The following FAM131A variants were observed in gnomAD, a reference collection of about 807,000 sequenced individuals.
FAM131A encodes the protein family with sequence similarity 131 member A.
Under a neutral mutation model 39.2 loss-of-function variants are expected in FAM131A, and 24 were observed. The observed-to-expected ratio is 0.61, with a 90% CI of 0.44 to 0.86. The LOEUF is 0.86. Among genes scored for constraint, FAM131A ranks in the 40% least tolerant of loss-of-function variants. The pLI is 0.00. For missense variants in FAM131A, 373 were observed against 481.2 expected (o/e 0.78, Z 2.10); for synonymous variants, 202 against 206.8 (o/e 0.98, Z 0.20).
upstream of FAM131A, chr3:184,337,453 C>T: frequency 1.6e-6 from 1 of 616,930 alleles, no homozygotes; most frequent in Non-Finnish European, 2.9e-6. Flanking sequence ...CTTGGCTGAG[C>T]CCTGGTGTTC....
In FAM131A at chr3:184,337,629, G is replaced by A. The variant is rs2108540321; in HGVS notation, c.-2G>A. 2 of 1,537,224 alleles carry A rather than the reference G, an allele frequency of 1.3e-6. No homozygotes were observed. The highest frequency in any genetic ancestry group is 2.4e-5 in the South Asian group (2 of 84,056). On this transcript the variant is annotated 5_prime_UTR_variant, in exon 1 of 6. Transcript: ENST00000383847. ...TTGGTTCTCTGCATCAACACAGCCA[G>A]CATGCCTATGATTTCTGTGCTGGGC...
Position 184,345,557 on chromosome 3 carries a change from T to C in FAM131A, c.*587T>C. 7 of 703,272 alleles carry C rather than the reference T, an allele frequency of 1.0e-5. 1 individual carries two copies. In the South Asian group the frequency reaches 1.0e-4, roughly 10 times the overall value. 43.6% of individuals were successfully genotyped at this position (703,272 alleles called of 1,614,324 possible). A position where few individuals can be genotyped will look rare whatever the true frequency, so the allele number is the denominator to read the frequency against. On this transcript the variant is annotated 3_prime_UTR_variant, in exon 6 of 6. Coordinates refer to ENST00000383847, the MANE Select transcript of FAM131A (RefSeq NM_144635.5). ...CTCCATCGTCTCTAAATCTTCCTCTTTTTTCCTAAAGACAGAAGGTTTTTG... is the reference window on the plus strand; with the variant it reads ...CTCCATCGTCTCTAAATCTTCCTCTCTTTTCCTAAAGACAGAAGGTTTTTG...
chr3:184,344,698 G>A lies in FAM131A; in HGVS notation c.829G>A (p.Gly277Ser). 6.2e-7 allele frequency: 1 copy of A among 1,612,464 alleles called. No individual in the cohort carries two copies. Among genetic ancestry groups the A allele is most frequent in the Non-Finnish European group, 8.5e-7 (1 of 1,179,932 alleles). Residue 277 changes from glycine (G) to serine (S), a missense_variant, in exon 6 of 6, where the codon GGC becomes AGC. Gly to Ser is a moderately conservative substitution (Grantham distance 56). Coordinates refer to ENST00000383847, the MANE Select transcript of FAM131A (RefSeq NM_144635.5). ...SPARLASQLL[G>S]DELLLAKLPP... ...GGCCCGGCTGGCCTCCCAGCTGCTG[G>A]GCGATGAGCTGCTTCTCGCCAAACT...
Position 184,342,879 on chromosome 3 carries a change from T to C in FAM131A, c.625+19T>C. On this transcript the variant is annotated intron_variant, in intron 5 of 5. Transcript: ENST00000383847. This position sits in a 1 kb window ranked among gnomAD's most constrained non-coding sequence, Gnocchi z 4.6. ...GACACAGGTGAGGGACATCCTGGGC[T>C]AGGGCTGTGGTGGACCCACCTGATA... 2 of 1,600,978 alleles carry C rather than the reference T, an allele frequency of 1.2e-6. No homozygotes were observed. Among genetic ancestry groups the C allele is most frequent in the East Asian group, 2.2e-5 (1 of 44,654 alleles).
intron 2 of FAM131A, chr3:184,341,439 CT>C: frequency 2.0e-6 from 1 of 507,570 alleles, no homozygotes; most frequent in South Asian, 2.2e-5. Context: ...ACTCGTGGTT[CT>C]TCATTTCCTG....
At position 184,345,487 on chromosome 3, in the gene FAM131A, C is replaced by T; in HGVS notation, c.*517C>T. The T allele has an allele frequency of 1.4e-6, 1 of 702,662 alleles. No individual in the cohort carries two copies. Among genetic ancestry groups the T allele is most frequent in the South Asian group, 1.5e-5 (1 of 67,536 alleles). The allele number at this position is 702,662 out of a possible 1,614,324, so 43.5% of individuals were successfully genotyped here. On this transcript the variant is annotated 3_prime_UTR_variant, in exon 6 of 6. Transcript: ENST00000383847. ...GGAGCCTATGGGTTGAGCCGTCCCT[C>T]AAGGGCCCCTGCCCAGCTGGGCTCG...
rs1161081223 is a variant in FAM131A, at chr3:184,342,721, T to TA, written c.509-22dup. 6.2e-7 allele frequency: 1 copy of TA among 1,601,888 alleles called. No individual in the cohort carries two copies. The highest frequency in any genetic ancestry group is 8.5e-7 in the Non-Finnish European group (1 of 1,170,030). On this transcript the variant is annotated intron_variant, in intron 4 of 5. Transcript: ENST00000383847. The surrounding 1 kb of genome is among the most constrained non-coding windows in gnomAD (Gnocchi z 4.6). ...CTAGACTTAGCTCACCTTCTCTGCT[T>TA]ATGCATTCTGTCCCTGCGACAGGAG... is the stretch of plus-strand genomic sequence containing the variant.
chr3:184,338,473 C>A lies in FAM131A; in HGVS notation c.175C>A (p.Arg59=), dbSNP rs1322344993. 6 of 1,535,374 alleles carry A rather than the reference C, an allele frequency of 3.9e-6. No homozygotes were observed. The highest frequency in any genetic ancestry group is 3.3e-4 in the Middle Eastern group (2 of 6,002). ...CTCTTTGGGATCTGCTCGAACCCTCCGAGGCTGGAGCAGGTCCTCCCGCCC... is the reference window on the plus strand; with the variant it reads ...CTCTTTGGGATCTGCTCGAACCCTCAGAGGCTGGAGCAGGTCCTCCCGCCC... ...LSSLGSARTL[R]GWSRSSRPSS... is the part of the protein sequence containing the mutation. Residue 59 remains arginine, a synonymous_variant, in exon 2 of 6, where the codon CGA becomes AGA. Transcript: ENST00000383847.
chr3:184,335,961 C>A (rs1283595186), upstream of FAM131A: 1 of 152,258 alleles, frequency 6.6e-6, no homozygotes, highest in Non-Finnish European at 1.5e-5. Context: ...GGAGCGGCGG[C>A]GGACGCGCGG....
At chr3:184,338,349 T>C in intron 1 of FAM131A, 38 bp from the exon 2 acceptor site, 3 of 1,416,838 alleles carry the variant, frequency 2.1e-6, no homozygotes, top group Non-Finnish European at 2.8e-6. Flanking sequence ...TCTGCAGAAG[T>C]AGGGGCACAG....
chr3:184,345,318 G>A lies in FAM131A; in HGVS notation c.*348G>A, dbSNP rs924653136. The A allele has an allele frequency of 3.4e-6, 2 of 580,592 alleles. No homozygotes were observed. Among genetic ancestry groups the A allele is most frequent in the African/African-American group, 3.8e-5 (2 of 52,146 alleles). 36.0% of individuals were successfully genotyped at this position (580,592 alleles called of 1,614,324 possible). A position where few individuals can be genotyped will look rare whatever the true frequency, so the allele number is the denominator to read the frequency against. ...CCACTAAGGGGGTTGTGACTGGGCT[G>A]TGTGAGGGTGGGGTGGGAGGGGGCC... is the stretch of plus-strand genomic sequence containing the variant. On this transcript the variant is annotated 3_prime_UTR_variant, in exon 6 of 6. Coordinates refer to ENST00000383847, the MANE Select transcript of FAM131A (RefSeq NM_144635.5).
At chr3:184,341,639 C>T in intron 2 of FAM131A, 85 bp from the exon 3 acceptor site, 1 of 1,123,616 alleles carries the variant, frequency 8.9e-7, no homozygotes, top group South Asian at 1.3e-5. Flanking sequence ...CTGTCTCCTC[C>T]TCATGCCTTT....
chr3:184,343,615 G>C (rs1426781520), intron 5 of FAM131A, among the ~76,000 whole-genome samples: 1 of 152,230 alleles, frequency 6.6e-6, no homozygotes, highest in Non-Finnish European at 1.5e-5. Context: ...CAATACATGA[G>C]AGCAGGTTGG....
chr3:184,337,779 T>C, intron 1 of FAM131A, 61 bp downstream of exon 1: 1 of 1,482,432 alleles, frequency 6.7e-7, no homozygotes, highest in Admixed American at 2.0e-5. Flanking sequence ...AGTAGGGTGC[T>C]TAGGTGGAAA....
intron 5 of FAM131A, chr3:184,343,063 C>A: frequency 2.6e-6 from 1 of 391,208 alleles, no homozygotes; most frequent in Non-Finnish European, 4.7e-6. Context: ...TGGATTCGTT[C>A]CTTTCCCACA....
chr3:184,345,237 G>A lies in FAM131A; in HGVS notation c.*267G>A, dbSNP rs144919867. The A allele has an allele frequency of 3.5e-6, 2 of 565,026 alleles. No homozygotes were observed. Among genetic ancestry groups the A allele is most frequent in the South Asian group, 2.3e-5 (1 of 44,272 alleles). 35.0% of individuals were successfully genotyped at this position (565,026 alleles called of 1,614,324 possible). On this transcript the variant is annotated 3_prime_UTR_variant, in exon 6 of 6. Transcript: ENST00000383847. ...GGCATGGCTACAGCTGTGGCAGACA[G>A]TGATGTTCATGTTCTTAAAATGCCA...
chr3:184,343,107 G>T, intron 5 of FAM131A: 1 of 229,534 alleles, frequency 4.4e-6, no homozygotes, highest in Non-Finnish European at 7.8e-6. Context: ...CTGCACAGTT[G>T]TGCCTTGCAG....
Position 184,345,659 on chromosome 3 carries a change from C to T in FAM131A, c.*689C>T, listed in dbSNP as rs559538344. On this transcript the variant is annotated 3_prime_UTR_variant, in exon 6 of 6. Coordinates refer to ENST00000383847, the MANE Select transcript of FAM131A (RefSeq NM_144635.5). ...AAAGCATGTACCCTCCACCCTTTTC[C>T]TGGCCCCCTAATGGGGCCTGGGCCC... 293 of 681,166 alleles carry T rather than the reference C, an allele frequency of 4.3e-4. No individual in the cohort carries two copies. Among genetic ancestry groups the T allele is most frequent in the Non-Finnish European group, 5.2e-4 (196 of 376,128 alleles). 42.2% of individuals were successfully genotyped at this position (681,166 alleles called of 1,614,324 possible).
chr3:184,342,871 T>C lies in FAM131A; in HGVS notation c.625+11T>C. ...GGGGAATGGACACAGGTGAGGGACA[T>C]CCTGGGCTAGGGCTGTGGTGGACCC... On this transcript the variant is annotated intron_variant, in intron 5 of 5. Transcript: ENST00000383847. This position sits in a 1 kb window ranked among gnomAD's most constrained non-coding sequence, Gnocchi z 4.6. The C allele has an allele frequency of 6.2e-7, 1 of 1,606,746 alleles. No homozygotes were observed. Among genetic ancestry groups the C allele is most frequent in the Non-Finnish European group, 8.5e-7 (1 of 1,173,714 alleles).
Sources: gnomAD v4.1 joint callset for allele counts (sites outside exome capture counted in the v4.1 genomes callset) on GRCh38, gnomAD v4.1.1 for gene constraint, Gnocchi (gnomAD v3.1) non-coding constraint, MANE v1.5 for transcripts, NCBI Gene and HGNC (gene_info 2026-07-23, HGNC 2026-07-21) for gene names.